CNTN4: variants seen among roughly 807,000 people sequenced by gnomAD.
The protein encoded by CNTN4 is contactin 4, also known as contactin-4.
A neutral mutation model predicts 122.5 loss-of-function variants in CNTN4; 77 were observed. That is an observed-to-expected ratio of 0.63 (90% CI 0.52 to 0.76). CNTN4 has a LOEUF of 0.76. Among genes scored for constraint, CNTN4 ranks in the 30% least tolerant of loss-of-function variants. CNTN4 has a pLI of 0.00. For missense variants in CNTN4, 1,256 were observed against 1,259.1 expected, an observed-to-expected ratio of 1.00 and a Z score of 0.04; for synonymous variants, 512 against 447.0, an observed-to-expected ratio of 1.15 and a Z score of -1.83.
chr3:2,722,653 C>T (rs1377281864), intron 4 of CNTN4, among the ~76,000 whole-genome samples: 2 of 152,158 alleles, frequency 1.3e-5, no homozygotes, highest in African/African-American at 4.8e-5. Context: ...GAATTCAAGT[C>T]AATGGCATTT....
At chr3:2,255,635 C>A (rs1020380242) in intron 2 of CNTN4, among the ~76,000 whole-genome samples, 1 of 152,162 alleles carries the variant, frequency 6.6e-6, no homozygotes, top group East Asian at 1.9e-4. Context: ...TTAAGAAACT[C>A]ACTCAAAACC....
At chr3:2,514,921 C>G (rs1313413114) in intron 3 of CNTN4, among the ~76,000 whole-genome samples, 1 of 151,808 alleles carries the variant, frequency 6.6e-6, no homozygotes, top group Non-Finnish European at 1.5e-5. Flanking sequence ...TCCCTTCCCT[C>G]CATCTTCTGC....
chr3:2,767,664 C>T (rs927041783), intron 6 of CNTN4, among the ~76,000 whole-genome samples: 2 of 152,110 alleles, frequency 1.3e-5, no homozygotes, highest in Non-Finnish European at 2.9e-5. Flanking sequence ...TCTACTTGAG[C>T]GTACCAAACT....
Position 2,948,935 on chromosome 3 carries a change from A to G in CNTN4, c.1358+23156A>G, listed in dbSNP as rs551276617. Reference sequence around the variant, plus strand: ...AGGCTCAGTGATATTGTTTTGCTCAAAAATAGACAACTAATCAGCCCTTCC... The same window carrying G: ...AGGCTCAGTGATATTGTTTTGCTCAGAAATAGACAACTAATCAGCCCTTCC... On this transcript the variant is annotated intron_variant, in intron 13 of 24. Transcript: ENST00000418658. Among the ~76,000 whole-genome samples, 130 of 152,220 alleles carry G rather than the reference A, an allele frequency of 8.5e-4. 1 individual carries two copies. Among genetic ancestry groups the G allele is most frequent in the Non-Finnish European group, 1.5e-3 (104 of 68,016 alleles).
intron 2 of CNTN4, among the ~76,000 whole-genome samples, chr3:2,259,836 G>T (rs937851549): frequency 1.2e-4 from 19 of 152,096 alleles, no homozygotes; most frequent in African/African-American, 4.6e-4. Context: ...CAGACCTGGG[G>T]TTCACATCCT....
At chr3:2,658,950 C>T (rs1025222198) in intron 4 of CNTN4, among the ~76,000 whole-genome samples, 1 of 120,320 alleles carries the variant, frequency 8.3e-6, no homozygotes, top group African/African-American at 3.4e-5. Flanking sequence ...AATAACACAC[C>T]CACACACACA....
intron 2 of CNTN4, among the ~76,000 whole-genome samples, chr3:2,140,763 G>A (rs923097953): frequency 6.6e-6 from 1 of 152,176 alleles, no homozygotes; most frequent in Non-Finnish European, 1.5e-5. Flanking sequence ...TACAAAGCTG[G>A]TGTATGCCTC....
chr3:2,899,781 G>A (rs1335271315), intron 10 of CNTN4, among the ~76,000 whole-genome samples: 1 of 152,104 alleles, frequency 6.6e-6, no homozygotes, highest in African/African-American at 2.4e-5. Context: ...GAGGAGGTTT[G>A]ATAAAAATCA....
chr3:2,654,602 G>T (rs2083500470), intron 4 of CNTN4, among the ~76,000 whole-genome samples: 1 of 152,184 alleles, frequency 6.6e-6, no homozygotes. Flanking sequence ...AGTCAGGTCA[G>T]TCCACAAGCA....
intron 2 of CNTN4, among the ~76,000 whole-genome samples, chr3:2,132,050 C>G (rs1008104115): frequency 6.6e-6 from 1 of 152,132 alleles, no homozygotes; most frequent in African/African-American, 2.4e-5. Context: ...ACTTCTGTGG[C>G]CAAGTCATAA....
At chr3:2,337,210 G>C (rs2043990255) in intron 2 of CNTN4, among the ~76,000 whole-genome samples, 1 of 152,100 alleles carries the variant, frequency 6.6e-6, no homozygotes, top group Non-Finnish European at 1.5e-5. Flanking sequence ...TTCATGATAT[G>C]TTAGTTCACC....
chr3:2,362,721 C>G lies in CNTN4; in HGVS notation c.-89+23488C>G, dbSNP rs533775156. Reference sequence around the variant, plus strand: ...GCACATTCACTTACTTGGGAGCTGACAGCTCCAGTGGCCTCCAGCTTTAAC... The same window carrying G: ...GCACATTCACTTACTTGGGAGCTGAGAGCTCCAGTGGCCTCCAGCTTTAAC... On this transcript the variant is annotated intron_variant, in intron 3 of 24. Coordinates refer to ENST00000418658, the MANE Select transcript of CNTN4 (RefSeq NM_175607.3). 1.1e-3 allele frequency: 385 copies of G among 341,810 alleles called. 1 individual carries two copies. The highest frequency in any genetic ancestry group is 3.9e-3 in the Middle Eastern group (4 of 1,016). The allele number at this position is 341,810 out of a possible 1,614,324, so 21.2% of individuals were successfully genotyped here.
chr3:2,585,677 C>T (rs1464576852), intron 4 of CNTN4, among the ~76,000 whole-genome samples: 34 of 122,098 alleles, frequency 2.8e-4, no homozygotes, highest in South Asian at 8.1e-4. Context: ...CATCACACAC[C>T]GGGGCCTGTT....
At chr3:3,029,237 G>A (rs1252678957) in intron 15 of CNTN4, among the ~76,000 whole-genome samples, 2 of 152,112 alleles carry the variant, frequency 1.3e-5, no homozygotes, top group Non-Finnish European at 2.9e-5. Flanking sequence ...TAACATCTTG[G>A]ACATGTCTGT....
intron 3 of CNTN4, among the ~76,000 whole-genome samples, chr3:2,354,916 A>G (rs2039267505): frequency 6.6e-6 from 1 of 152,188 alleles, no homozygotes; most frequent in South Asian, 2.1e-4. Flanking sequence ...CAGAAATAGG[A>G]GCATTAGCAG....
intron 4 of CNTN4, among the ~76,000 whole-genome samples, chr3:2,577,754 G>A (rs1426706695): frequency 6.6e-6 from 1 of 152,196 alleles, no homozygotes; most frequent in Non-Finnish European, 1.5e-5. Flanking sequence ...GAAGAAAATG[G>A]CTGCTCCATA....
At chr3:2,653,469 A>G (rs933055266) in intron 4 of CNTN4, among the ~76,000 whole-genome samples, 11 of 152,196 alleles carry the variant, frequency 7.2e-5, no homozygotes, top group Admixed American at 2.0e-4. Flanking sequence ...TGACATTCAG[A>G]AAGGAGAAAT....
intron 13 of CNTN4, among the ~76,000 whole-genome samples, chr3:2,942,799 T>C (rs1354046081): frequency 1.3e-5 from 2 of 152,184 alleles, no homozygotes; most frequent in African/African-American, 4.8e-5. Context: ...AATATGTTGA[T>C]TACAGTGATA....
At chr3:2,383,415 A>C (rs2046106038) in intron 3 of CNTN4, among the ~76,000 whole-genome samples, 1 of 152,148 alleles carries the variant, frequency 6.6e-6, no homozygotes, top group South Asian at 2.1e-4. Context: ...CACAGTTTTA[A>C]CTGCCTTAAT....
Sources: gnomAD v4.1 joint callset for allele counts (sites outside exome capture counted in the v4.1 genomes callset) on GRCh38, gnomAD v4.1.1 for gene constraint, MANE v1.5 for transcripts, NCBI Gene and HGNC (gene_info 2026-07-23, HGNC 2026-07-21) for gene names.